Variants in PCP4L1 observed in about 807,000 individuals in gnomAD.
PCP4L1 encodes the protein Purkinje cell protein 4-like protein 1.
In PCP4L1, 9 loss-of-function variants were observed where a neutral mutation model predicts 9.6. The observed-to-expected ratio is 0.94, with a 90% CI of 0.57 to 1.64. The LOEUF (loss-of-function observed/expected upper bound fraction) is 1.64. PCP4L1 is among the 40% of genes most tolerant of loss of function. The pLI is 0.00. For missense variants in PCP4L1, 81 were observed against 80.8 expected (o/e 1.00, Z -0.01); for synonymous variants, 31 against 28.2 (o/e 1.10, Z -0.31).
chr1:161,258,925 T>A lies in PCP4L1; in HGVS notation c.-50T>A. 3.9e-6 allele frequency: 6 copies of A among 1,535,026 alleles called. No homozygotes were observed. Among genetic ancestry groups the A allele is most frequent in the Non-Finnish European group, 4.4e-6 (5 of 1,146,256 alleles). Reference sequence around the variant, plus strand: ...TCGCCCGCGGAGCCCCGAGGGCCACTCGCCTCACCTGTGCGTGCAGCGCCT... The same window carrying A: ...TCGCCCGCGGAGCCCCGAGGGCCACACGCCTCACCTGTGCGTGCAGCGCCT... On this transcript the variant is annotated 5_prime_UTR_variant, in exon 1 of 3. Coordinates refer to ENST00000504449, the MANE Select transcript of PCP4L1 (RefSeq NM_001102566.2).
chr1:161,270,450 T>A (rs1446862177), intron 1 of PCP4L1, among the ~76,000 whole-genome samples: 1 of 151,012 alleles, frequency 6.6e-6, no homozygotes, highest in Non-Finnish European at 1.5e-5. Flanking sequence ...ATCCATATAT[T>A]GAAATCCTAA....
At chr1:161,276,352 G>A (rs1179480258) in intron 1 of PCP4L1, among the ~76,000 whole-genome samples, 3 of 152,050 alleles carry the variant, frequency 2.0e-5, no homozygotes, top group Non-Finnish European at 4.4e-5. Flanking sequence ...AGGGTTTCAG[G>A]AACACCTTTA....
rs1395493934 is a variant in PCP4L1 at position 161,258,770 on chromosome 1, A to G, written c.-205A>G. On this transcript the variant is annotated 5_prime_UTR_variant, in exon 1 of 3. Coordinates refer to ENST00000504449, the MANE Select transcript of PCP4L1 (RefSeq NM_001102566.2). ...GAGCGGCTCTGACAGGACGGGTCGC[A>G]GGGGGTCGCCTGGCCGGAGCTGGGC... 19 of 763,732 alleles carry G rather than the reference A, an allele frequency of 2.5e-5. No homozygotes were observed. Among genetic ancestry groups the G allele is most frequent in the Non-Finnish European group, 3.4e-5 (16 of 472,106 alleles). The allele number at this position is 763,732 out of a possible 1,614,324, so 47.3% of individuals were successfully genotyped here. A position where few individuals can be genotyped will look rare whatever the true frequency, so the allele number is the denominator to read the frequency against.
rs944748359 is a variant in PCP4L1 at position 161,284,446 on chromosome 1, C to T, written c.172C>T (p.Arg58Ter). Residue 58 changes from arginine to a stop codon, truncating the protein, a stop_gained, in exon 3 of 3, where the codon CGA (arginine) becomes TGA (stop). Transcript: ENST00000504449. LOFTEE classifies it high-confidence loss of function. Reference sequence around the variant, plus strand: ...CCTTGCTATTCAGGGCAAGTTCCGGCGATTTCAGAAAAGGAAAAAGGATCC... The same window carrying T: ...CCTTGCTATTCAGGGCAAGTTCCGGTGATTTCAGAAAAGGAAAAAGGATCC... ...AALAIQGKFR[R>*]FQKRKKDPSS 4.3e-6 allele frequency: 7 copies of T among 1,613,782 alleles called. No homozygotes were observed. Among genetic ancestry groups the T allele is most frequent in the Admixed American group, 1.7e-5 (1 of 59,990 alleles).
intron 1 of PCP4L1, among the ~76,000 whole-genome samples, chr1:161,262,597 T>C (rs1279839372): frequency 6.6e-6 from 1 of 152,202 alleles, no homozygotes; most frequent in Non-Finnish European, 1.5e-5. Context: ...TGGATGACTT[T>C]GTCATCCTGT....
At chr1:161,266,245 C>G (rs1669528697) in intron 1 of PCP4L1, among the ~76,000 whole-genome samples, 1 of 152,224 alleles carries the variant, frequency 6.6e-6, no homozygotes, top group South Asian at 2.1e-4. Flanking sequence ...CCCTCCCACA[C>G]AAAGCCCTCC....
At chr1:161,273,627 G>A (rs137918695) in intron 1 of PCP4L1, among the ~76,000 whole-genome samples, 1 of 152,286 alleles carries the variant, frequency 6.6e-6, no homozygotes, top group Non-Finnish European at 1.5e-5. Context: ...CTGGCTCTGG[G>A]AGTAAAGAAT....
At chr1:161,282,222 C>CAA (rs201234971) in intron 1 of PCP4L1, among the ~76,000 whole-genome samples, 1 of 151,752 alleles carries the variant, frequency 6.6e-6, no homozygotes, top group South Asian at 2.1e-4. Flanking sequence ...CTGTCTCCAC[C>CAA]AAAAAAATAC....
intron 1 of PCP4L1, among the ~76,000 whole-genome samples, chr1:161,265,688 T>C (rs1447947607): frequency 6.6e-6 from 1 of 152,018 alleles, no homozygotes; most frequent in Non-Finnish European, 1.5e-5. Flanking sequence ...GTTGGAATTA[T>C]TTTAGTTACA....
At chr1:161,267,645 A>G (rs1446563180) in intron 1 of PCP4L1, among the ~76,000 whole-genome samples, 1 of 152,248 alleles carries the variant, frequency 6.6e-6, no homozygotes, top group Non-Finnish European at 1.5e-5. Context: ...TAGTGGCAGC[A>G]GGAAAACAGC....
chr1:161,259,000 C>T lies in PCP4L1; in HGVS notation c.9+17C>T. The T allele has an allele frequency of 6.5e-7, 1 of 1,531,212 alleles. No homozygotes were observed. Among genetic ancestry groups the T allele is most frequent in the Non-Finnish European group, 8.7e-7 (1 of 1,144,804 alleles). The allele number at this position is 1,531,212 out of a possible 1,614,324, so 94.9% of individuals were successfully genotyped here. On this transcript the variant is annotated intron_variant, in intron 1 of 2. Transcript: ENST00000504449. ...ATGAGCGAGGTGAGCGGTGCGGCCC[C>T]CGGCGCTGTCGGCAGGGCTGCGGCG...
chr1:161,284,246 C>T, intron 2 of PCP4L1, 93 bp from the exon 3 acceptor site: 1 of 1,553,538 alleles, frequency 6.4e-7, no homozygotes, highest in South Asian at 1.2e-5. Flanking sequence ...GAGTCTGGCA[C>T]AAGGTGGACC....
Position 161,284,801 on chromosome 1 carries a change from C to A in PCP4L1, c.*320C>A. ...GAGGCTGAGAGATCTCCCCAAAGAA[C>A]AATGTGGGAAGGAGGGGAAGGCTTT... is the stretch of plus-strand genomic sequence containing the variant. On this transcript the variant is annotated 3_prime_UTR_variant, in exon 3 of 3. Transcript: ENST00000504449. 3.2e-6 allele frequency: 1 copy of A among 315,270 alleles called. No individual in the cohort carries two copies. The highest frequency in any genetic ancestry group is 5.9e-6 in the Non-Finnish European group (1 of 169,576). The allele number at this position is 315,270 out of a possible 1,614,324, so 19.5% of individuals were successfully genotyped here. A position where few individuals can be genotyped will look rare whatever the true frequency, so the allele number is the denominator to read the frequency against.
intron 1 of PCP4L1, among the ~76,000 whole-genome samples, chr1:161,266,723 A>G (rs1391630091): frequency 1.3e-5 from 2 of 152,162 alleles, no homozygotes; most frequent in Non-Finnish European, 2.9e-5. Context: ...GAATGTGTGT[A>G]TGTAGAACCT....
chr1:161,284,260 C>T, intron 2 of PCP4L1, 79 bp from the exon 3 acceptor site: 1 of 1,592,322 alleles, frequency 6.3e-7, no homozygotes, highest in Non-Finnish European at 8.6e-7. Flanking sequence ...GTGGACCTTA[C>T]CCACTGTATT....
Sources: gnomAD v4.1 joint callset for allele counts (sites outside exome capture counted in the v4.1 genomes callset) on GRCh38, gnomAD v4.1.1 for gene constraint, MANE v1.5 for transcripts, NCBI Gene and HGNC (gene_info 2026-07-23, HGNC 2026-07-21) for gene names.